RBM19: variants seen among roughly 807,000 people sequenced by gnomAD.
The protein encoded by RBM19 is probable RNA-binding protein 19.
A neutral mutation model predicts 116.8 loss-of-function variants in RBM19; 94 were observed. The observed-to-expected ratio is 0.80, with a 90% CI of 0.68 to 0.95. The LOEUF is 0.95. RBM19 is among the 40% of genes least tolerant of loss of function. RBM19 has a pLI of 0.00. For synonymous variants in RBM19, 475 were observed against 494.1 expected (o/e 0.96, Z 0.51); for missense variants, 1,161 against 1,220.7 (o/e 0.95, Z 0.73).
intron 7 of RBM19, among the ~76,000 whole-genome samples, chr12:113,953,856 G>T (rs1871679632): frequency 7.0e-6 from 1 of 142,624 alleles, no homozygotes; most frequent in Admixed American, 6.8e-5. Flanking sequence ...CATTTTAAAG[G>T]ATTACCAAAA....
chr12:113,914,519 T>C (rs1333349874), intron 21 of RBM19, among the ~76,000 whole-genome samples: 1 of 152,182 alleles, frequency 6.6e-6, no homozygotes, highest in Non-Finnish European at 1.5e-5. Flanking sequence ...TCCAACTCTC[T>C]GGGGGTGCAG....
chr12:113,828,897 C>T (rs1327494934), intron 23 of RBM19, among the ~76,000 whole-genome samples: 3 of 152,198 alleles, frequency 2.0e-5, no homozygotes, highest in Non-Finnish European at 4.4e-5. Flanking sequence ...AGCAGGCACA[C>T]ATCAGGTACG....
chr12:113,819,705 A>C (rs1297695958), downstream of RBM19, among the ~76,000 whole-genome samples: 1 of 152,150 alleles, frequency 6.6e-6, no homozygotes, highest in African/African-American at 2.4e-5. Flanking sequence ...GCCTTGGCTC[A>C]AAGGCTTAGA....
intron 21 of RBM19, 99 bp from the exon 22 acceptor site, chr12:113,858,995 A>T (rs1393925628): frequency 3.6e-6 from 4 of 1,098,992 alleles, no homozygotes; most frequent in Non-Finnish European, 4.1e-6. Context: ...CCTTTGGGTT[A>T]TAAAAGACAA....
At position 113,949,138 on chromosome 12, in the gene RBM19, C is replaced by G. The variant is rs777357838; in HGVS notation, c.1073-102G>C. The G allele has an allele frequency of 1.8e-4, 202 of 1,116,442 alleles. 1 individual carries two copies. Among genetic ancestry groups the G allele is most frequent in the Non-Finnish European group, 2.5e-4 (189 of 765,828 alleles). The allele number at this position is 1,116,442 out of a possible 1,614,324, so 69.2% of individuals were successfully genotyped here. ...CTTCTCTGCTGCCTTCCAAAAAACA[C>G]AATCAAGGTGGCAGATGACAGCACC... On this transcript the variant is annotated intron_variant, in intron 9 of 23. Transcript: ENST00000261741.
intron 1 of RBM19, 44 bp downstream of exon 1, chr12:113,966,148 G>A (rs758752847): frequency 1.9e-6 from 3 of 1,613,260 alleles, no homozygotes; most frequent in Non-Finnish European, 1.7e-6. Context: ...CACAGCTCCC[G>A]GCTGGTCTCA....
intron 21 of RBM19, among the ~76,000 whole-genome samples, chr12:113,891,917 C>G (rs1451653875): frequency 6.6e-5 from 10 of 152,172 alleles, no homozygotes; most frequent in African/African-American, 2.4e-4. Context: ...CTGTAGAAAG[C>G]CTTTGTTCCT....
chr12:113,958,221 C>T (rs376687974), intron 5 of RBM19, among the ~76,000 whole-genome samples, 171 bp from the exon 6 acceptor site: 4 of 152,242 alleles, frequency 2.6e-5, no homozygotes, highest in Admixed American at 6.5e-5. Context: ...AATACCAAAA[C>T]GGGGCAGGGC....
intron 22 of RBM19, among the ~76,000 whole-genome samples, chr12:113,851,028 G>A (rs374826147): frequency 1.8e-4 from 27 of 152,248 alleles, no homozygotes; most frequent in South Asian, 1.7e-3. Context: ...CCTTTCCTTC[G>A]GTCCCAAGGC....
chr12:113,869,813 C>G (rs73393081), intron 21 of RBM19, among the ~76,000 whole-genome samples: 3,936 of 152,286 alleles, frequency 0.026, 159 homozygotes, highest in African/African-American at 0.089. Flanking sequence ...CTCCATCAGG[C>G]CTGATATCTC....
chr12:113,940,757 C>A (rs996140891), intron 14 of RBM19, among the ~76,000 whole-genome samples: 1 of 152,188 alleles, frequency 6.6e-6, no homozygotes, highest in South Asian at 2.1e-4. Flanking sequence ...TTCTGCACTG[C>A]CCCCAAAACT....
chr12:113,837,094 CATACATACATA>C (rs1274459938), intron 23 of RBM19, among the ~76,000 whole-genome samples: 141 of 147,202 alleles, frequency 9.6e-4, no homozygotes, highest in African/African-American at 3.6e-3. Context: ...TACATACATA[CATACATACATA>C]CATACACACA....
chr12:113,956,775 G>C (rs1871984625), intron 6 of RBM19, among the ~76,000 whole-genome samples: 1 of 152,046 alleles, frequency 6.6e-6, no homozygotes, highest in Admixed American at 6.5e-5. Context: ...AGACCCCACA[G>C]ACCTGGGGCT....
downstream of RBM19, among the ~76,000 whole-genome samples, chr12:113,821,532 G>A (rs1161004555): frequency 6.6e-6 from 1 of 152,136 alleles, no homozygotes; most frequent in Non-Finnish European, 1.5e-5. Context: ...CCTGAGGGTC[G>A]GCCTGGGTGT....
At chr12:113,955,095 G>T in intron 7 of RBM19, 36 bp downstream of exon 7, 2 of 1,604,238 alleles carry the variant, frequency 1.2e-6, no homozygotes. Flanking sequence ...TCCTGCTCCC[G>T]CAGGCTGCCG....
At chr12:113,955,358 T>G (rs1871839987) in intron 6 of RBM19, 147 bp from the exon 7 acceptor site, 1 of 767,824 alleles carries the variant, frequency 1.3e-6, no homozygotes, top group Admixed American at 2.1e-5. Flanking sequence ...ATGTCCACCG[T>G]GTATGGAGTC....
intron 13 of RBM19, among the ~76,000 whole-genome samples, chr12:113,945,311 C>A (rs189434793): frequency 0.013 from 2,041 of 152,220 alleles, 13 homozygotes; most frequent in South Asian, 0.022. Context: ...GGAACGGAAC[C>A]CAGCGACCCC....
intron 21 of RBM19, among the ~76,000 whole-genome samples, chr12:113,887,947 C>T (rs948227783): frequency 1.3e-5 from 2 of 152,128 alleles, no homozygotes; most frequent in Admixed American, 6.5e-5. Context: ...TTGTTGAACT[C>T]GTGGGCTCAA....
intron 10 of RBM19, among the ~76,000 whole-genome samples, chr12:113,947,882 T>C (rs939809014): frequency 1.3e-5 from 2 of 152,218 alleles, no homozygotes; most frequent in African/African-American, 4.8e-5. Context: ...TGCCAGGGTG[T>C]GACCGCGTCC....
Sources: gnomAD v4.1 joint callset for allele counts (sites outside exome capture counted in the v4.1 genomes callset) on GRCh38, gnomAD v4.1.1 for gene constraint, MANE v1.5 for transcripts, NCBI Gene and HGNC (gene_info 2026-07-23, HGNC 2026-07-21) for gene names.